The following RUNX1T1 variants were observed in gnomAD, a reference collection of about 807,000 sequenced individuals.
RUNX1T1 encodes RUNX1 partner transcriptional co-repressor 1, also known as protein CBFA2T1.
Under a neutral mutation model 62.8 loss-of-function variants are expected in RUNX1T1, and 4 were observed. The ratio of observed to expected loss-of-function variants is 0.06; its 90% CI spans 0.03 to 0.15. RUNX1T1 has a LOEUF of 0.15. Ranked by LOEUF, RUNX1T1 falls within the 10% of genes least tolerant of loss-of-function variation. The probability of loss-of-function intolerance (pLI) is 1.00; values close to 1 mark genes in which losing one functional copy is unlikely to be tolerated. For missense variants in RUNX1T1, 508 were observed against 754.3 expected (o/e 0.67, Z 3.82); for synonymous variants, 291 against 286.0 (o/e 1.02, Z -0.18).
chr8:92,103,179 C>A (rs2130960782), upstream of RUNX1T1: 1 of 353,832 alleles, frequency 2.8e-6, no homozygotes, highest in East Asian at 4.1e-5. Context: ...CCGCCTCCCT[C>A]CCTCCCTCCG....
At chr8:91,965,060 T>A (rs374207426) in intron 10 of RUNX1T1, among the ~76,000 whole-genome samples, 1 of 152,146 alleles carries the variant, frequency 6.6e-6, no homozygotes, top group East Asian at 1.9e-4. Context: ...CACCACTCCC[T>A]CCTTTTGGTA....
At chr8:92,064,329 C>T (rs908198100), upstream of RUNX1T1, among the ~76,000 whole-genome samples, 8 of 152,158 alleles carry the variant, frequency 5.3e-5, no homozygotes, top group Admixed American at 3.9e-4. Flanking sequence ...CAATTCATAA[C>T]GATTACTCTG....
intron 1 of RUNX1T1, among the ~76,000 whole-genome samples, chr8:92,044,719 T>C (rs544271040): frequency 6.6e-6 from 1 of 152,352 alleles, no homozygotes; most frequent in African/African-American, 2.4e-5. Context: ...TTTTCCATTA[T>C]TTCATTTAAT....
chr8:91,970,043 TTGTG>T (rs1554595113), intron 10 of RUNX1T1, among the ~76,000 whole-genome samples: 13 of 142,716 alleles, frequency 9.1e-5, no homozygotes, highest in Admixed American at 4.2e-4. Flanking sequence ...TGTGTGTGTG[TTGTG>T]TGTGTGTGTG....
chr8:92,072,852 T>C (rs961745517), intron 2 of RUNX1T1, among the ~76,000 whole-genome samples: 2 of 152,216 alleles, frequency 1.3e-5, no homozygotes, highest in Admixed American at 6.5e-5. Flanking sequence ...CTAACAAAGA[T>C]ACCAATATAT....
chr8:92,021,638 G>C (rs556456874), intron 1 of RUNX1T1, among the ~76,000 whole-genome samples: 3 of 152,142 alleles, frequency 2.0e-5, no homozygotes, highest in South Asian at 4.2e-4. Context: ...TAGTTTTCCC[G>C]AGCCTCAGTC....
intron 3 of RUNX1T1, among the ~76,000 whole-genome samples, chr8:92,012,485 A>G (rs1224970522): frequency 6.6e-6 from 1 of 152,078 alleles, no homozygotes; most frequent in Admixed American, 6.6e-5. Context: ...CCTTGCTGGC[A>G]CCGATGCGAA....
Position 92,036,942 on chromosome 8 carries a change from G to A in RUNX1T1, c.8-19579C>T, listed in dbSNP as rs137923477. Among the ~76,000 whole-genome samples the A allele has an allele frequency of 2.3e-3, 357 of 152,228 alleles. 2 individuals carry two copies. Among genetic ancestry groups the A allele is most frequent in the Middle Eastern group, 0.01 (3 of 294 alleles). On this transcript the variant is annotated intron_variant, in intron 1 of 10. Transcript: ENST00000396218. ...ATACTAAATAGTGACACCCATCTAG[G>A]CTCAATGTCCTGAGCTTCAGATTTG...
chr8:92,017,293 A>T, exon 2 of RUNX1T1: 2 of 1,614,054 alleles, frequency 1.2e-6, no homozygotes. Flanking sequence ...GCATTGTTGG[A>T]GGAGTCAGCC....
chr8:92,091,177 G>A (rs1836943591), intron 1 of RUNX1T1, among the ~76,000 whole-genome samples: 1 of 152,138 alleles, frequency 6.6e-6, no homozygotes, highest in Non-Finnish European at 1.5e-5. Flanking sequence ...TCTTCTACAA[G>A]ATCTATATTC....
chr8:92,091,711 CTT>C (rs1441194667), intron 1 of RUNX1T1, among the ~76,000 whole-genome samples: 6 of 152,176 alleles, frequency 3.9e-5, no homozygotes, highest in Non-Finnish European at 7.3e-5. Context: ...GCCCAGCTCT[CTT>C]TAAGATATGC....
At chr8:92,084,498 T>C (rs987359078) in intron 1 of RUNX1T1, among the ~76,000 whole-genome samples, 8 of 152,170 alleles carry the variant, frequency 5.3e-5, no homozygotes, top group African/African-American at 1.9e-4. Context: ...CAGTGAAATA[T>C]TTCAGGACAG....
chr8:92,037,850 T>A (rs1827711329), intron 1 of RUNX1T1, among the ~76,000 whole-genome samples: 1 of 152,086 alleles, frequency 6.6e-6, no homozygotes, highest in African/African-American at 2.4e-5. Flanking sequence ...GAATGTCTAT[T>A]TATGAAAACA....
upstream of RUNX1T1, chr8:92,103,276 C>T (rs1203256253): frequency 8.7e-6 from 2 of 229,556 alleles, no homozygotes; most frequent in Non-Finnish European, 1.7e-5. Context: ...GCGTCTCCCT[C>T]GCCCGCCCTC....
intron 1 of RUNX1T1, among the ~76,000 whole-genome samples, chr8:92,024,792 C>T (rs913056998): frequency 1.3e-5 from 2 of 152,102 alleles, no homozygotes; most frequent in South Asian, 2.1e-4. Flanking sequence ...CTGACATTTT[C>T]CCCTAAGTTC....
intron 1 of RUNX1T1, among the ~76,000 whole-genome samples, chr8:92,098,465 T>C (rs1402472943): frequency 2.0e-5 from 3 of 152,258 alleles, no homozygotes; most frequent in African/African-American, 7.2e-5. Flanking sequence ...TCTTAATGTT[T>C]AAGCTGCTTT....
downstream of RUNX1T1, chr8:91,957,552 G>A (rs1466383431): frequency 4.3e-6 from 1 of 231,528 alleles, no homozygotes; most frequent in Non-Finnish European, 8.5e-6. Flanking sequence ...AAAAAGTAAT[G>A]AGACGTACTG....
intron 2 of RUNX1T1, among the ~76,000 whole-genome samples, chr8:92,075,359 A>G (rs1247454646): frequency 6.6e-6 from 1 of 152,236 alleles, no homozygotes; most frequent in African/African-American, 2.4e-5. Context: ...CAAATATTGC[A>G]GACTTTAAGA....
chr8:92,054,900 G>A (rs1380767457), intron 1 of RUNX1T1, among the ~76,000 whole-genome samples: 2 of 152,138 alleles, frequency 1.3e-5, no homozygotes, highest in East Asian at 3.9e-4. Flanking sequence ...AGCTACTAGG[G>A]AGGCTGAAGC....
Sources: allele counts gnomAD v4.1 joint callset (sites outside exome capture counted in the v4.1 genomes callset), GRCh38; gene constraint gnomAD v4.1.1; transcripts MANE v1.5; gene names NCBI Gene and HGNC (gene_info 2026-07-23, HGNC 2026-07-21).